MDH2: variants seen among roughly 807,000 people sequenced by gnomAD.
The protein encoded by MDH2 is malate dehydrogenase, mitochondrial.
A neutral mutation model predicts 33.6 loss-of-function variants in MDH2; 25 were observed. That is an observed-to-expected ratio of 0.74 (90% confidence interval 0.54 to 1.04). The LOEUF (loss-of-function observed/expected upper bound fraction) is 1.04. MDH2 is among the 50% of genes least tolerant of loss of function. The pLI is 0.00. For synonymous variants in MDH2, 193 were observed against 188.7 expected, an observed-to-expected ratio of 1.02 and a Z score of -0.19; for missense variants, 432 against 445.0, an observed-to-expected ratio of 0.97 and a Z score of 0.26.
chr7:76,057,593 T>A, intron 3 of MDH2, 100 bp downstream of exon 3: 1 of 1,227,082 alleles, frequency 8.1e-7, no homozygotes, highest in Non-Finnish European at 1.2e-6. Flanking sequence ...TGCTTTGTTG[T>A]AGGAAAAATG....
intron 1 of MDH2, among the ~76,000 whole-genome samples, chr7:76,049,563 T>C (rs782271776): frequency 6.6e-6 from 1 of 150,796 alleles, no homozygotes; most frequent in Admixed American, 6.6e-5. Context: ...ACAGGAGGGA[T>C]GAGGTGTGGG....
intron 1 of MDH2, among the ~76,000 whole-genome samples, chr7:76,052,480 C>T (rs561402942): frequency 7.0e-4 from 105 of 150,618 alleles, no homozygotes; most frequent in African/African-American, 2.3e-3. Context: ...GTTTCATCCT[C>T]CACCCTGGTG....
intron 7 of MDH2, 103 bp from the exon 8 acceptor site, chr7:76,064,699 C>A: frequency 1.5e-6 from 2 of 1,321,988 alleles, no homozygotes; most frequent in South Asian, 1.5e-5. Context: ...AAATTCTCCA[C>A]TGTCAGGCTG....
intron 5 of MDH2, among the ~76,000 whole-genome samples, chr7:76,063,131 G>C (rs1197555639): frequency 6.6e-6 from 1 of 152,226 alleles, no homozygotes; most frequent in Non-Finnish European, 1.5e-5. Context: ...TCTGTGTAGG[G>C]AGGAGTCTGG....
At chr7:76,048,320 C>T in intron 1 of MDH2, 94 bp downstream of exon 1, 1 of 1,431,692 alleles carries the variant, frequency 7.0e-7, no homozygotes, top group Non-Finnish European at 9.2e-7. Context: ...CTCTCCAGGC[C>T]AGCCTGGACC....
intron 6 of MDH2, 91 bp downstream of exon 6, chr7:76,063,683 C>A: frequency 1.5e-6 from 2 of 1,322,344 alleles, no homozygotes; most frequent in Non-Finnish European, 1.1e-6. Flanking sequence ...CTGGAGAAGG[C>A]CTGGCCACGT....
chr7:76,049,005 T>A (rs2116634226), intron 1 of MDH2: 8 of 837,454 alleles, frequency 9.6e-6, no homozygotes, highest in Non-Finnish European at 1.1e-5. Flanking sequence ...GGGGTCCGCA[T>A]TTTTACCAGG....
intron 1 of MDH2, among the ~76,000 whole-genome samples, chr7:76,051,598 C>T (rs7786630): frequency 0.14 from 20,523 of 151,822 alleles, 2,610 homozygotes; most frequent in African/African-American, 0.32. Flanking sequence ...TAGGATTAAA[C>T]GCGTGAGCCA....
chr7:76,060,110 T>C (rs908944475), intron 4 of MDH2, among the ~76,000 whole-genome samples: 1 of 152,110 alleles, frequency 6.6e-6, no homozygotes, highest in Admixed American at 6.5e-5. Flanking sequence ...GGAGGCATCA[T>C]CACACATTTC....
At chr7:76,064,651 A>G in intron 7 of MDH2, 151 bp from the exon 8 acceptor site, 1 of 972,070 alleles carries the variant, frequency 1.0e-6, no homozygotes. Flanking sequence ...ATTCTACACC[A>G]TTCATGTATA....
intron 5 of MDH2, among the ~76,000 whole-genome samples, chr7:76,061,725 G>A (rs996007825): frequency 6.6e-6 from 1 of 151,794 alleles, no homozygotes. Context: ...CAGTACGGAA[G>A]TGGACACAAC....
chr7:76,065,057 G>A lies in MDH2; in HGVS notation c.885+104G>A, dbSNP rs570644052. On this transcript the variant is annotated intron_variant, in intron 8 of 8. Coordinates refer to ENST00000315758, the MANE Select transcript of MDH2 (RefSeq NM_005918.4). ...GGCCCTTTATGCAGTAAGCTCATGT[G>A]CCTGCCTGGCGAGTGCTGTTGTTTT... 525 of 1,367,288 alleles carry A rather than the reference G, an allele frequency of 3.8e-4. 6 individuals are homozygous for A. In the South Asian group the frequency reaches 6.5e-3, roughly 17 times the overall value. The allele number at this position is 1,367,288 out of a possible 1,614,324, so 84.7% of individuals were successfully genotyped here. A position where few individuals can be genotyped will look rare whatever the true frequency, so the allele number is the denominator to read the frequency against.
In MDH2 at chr7:76,064,457, C is replaced by T. The variant is rs1554587502; in HGVS notation, c.733+19C>T. On this transcript the variant is annotated intron_variant, in intron 7 of 8. Coordinates refer to ENST00000315758, the MANE Select transcript of MDH2 (RefSeq NM_005918.4). ...GGAGCAGGTAGAGTCTCAGGCAGCC[C>T]CGGGGCTGGGTGCCAGTGAGGCCCT... 6.2e-7 allele frequency: 1 copy of T among 1,602,516 alleles called. No homozygotes were observed. Among genetic ancestry groups the T allele is most frequent in the Non-Finnish European group, 8.5e-7 (1 of 1,173,808 alleles).
intron 2 of MDH2, 108 bp from the exon 3 acceptor site, chr7:76,057,302 T>G (rs1217256549): frequency 5.4e-6 from 6 of 1,110,718 alleles, no homozygotes; most frequent in Non-Finnish European, 7.9e-6. Context: ...CAGGCAGGGC[T>G]TCTAGCCTTT....
chr7:76,054,816 G>A lies in MDH2; in HGVS notation c.67-14G>A. The A allele has an allele frequency of 6.2e-7, 1 of 1,613,978 alleles. No individual in the cohort carries two copies. Among genetic ancestry groups the A allele is most frequent in the Non-Finnish European group, 8.5e-7 (1 of 1,179,944 alleles). ...ATTTCCTCCTAAGAGTCCTTTCTCT[G>A]TGCCTCTTTTTAGAACAATGCTAAA... On this transcript the variant is annotated splice_polypyrimidine_tract_variant and intron_variant, in intron 1 of 8. Coordinates refer to ENST00000315758, the MANE Select transcript of MDH2 (RefSeq NM_005918.4).
chr7:76,061,837 C>G (rs1797962470), intron 5 of MDH2, among the ~76,000 whole-genome samples: 1 of 152,092 alleles, frequency 6.6e-6, no homozygotes, highest in East Asian at 1.9e-4. Context: ...CACCCCAGGC[C>G]CTAGTCCTGC....
rs781880905 is a variant in MDH2, at chr7:76,054,942, A to C, written c.179A>C (p.His60Pro). 6.2e-7 allele frequency: 1 copy of C among 1,614,058 alleles called. No individual in the cohort carries two copies. ...VSRLTLYDIA[H>P]TPGVAADLSH... ...CGCCTGACCCTCTATGATATCGCGC[A>C]CACACCCGGAGTGGCCGCAGATCTG... is the stretch of plus-strand genomic sequence containing the variant. The change falls in exon 2 of 9, where the codon CAC (histidine) becomes CCC (proline). Residue 60 changes from histidine (H) to proline (P), a missense_variant. Physicochemically the swap from His to Pro is moderately conservative, Grantham distance 77. Coordinates refer to ENST00000315758, the MANE Select transcript of MDH2 (RefSeq NM_005918.4).
At chr7:76,064,466 G>A in intron 7 of MDH2, 28 bp downstream of exon 7, 1 of 1,582,838 alleles carries the variant, frequency 6.3e-7, no homozygotes. Flanking sequence ...CCCGGGGCTG[G>A]GTGCCAGTGA....
intron 5 of MDH2, among the ~76,000 whole-genome samples, chr7:76,063,310 C>T (rs1355845052): frequency 6.6e-6 from 1 of 152,238 alleles, no homozygotes; most frequent in Non-Finnish European, 1.5e-5. Context: ...CCTCACGGCA[C>T]CTGCTGGCGC....
Sources: allele counts gnomAD v4.1 joint callset (sites outside exome capture counted in the v4.1 genomes callset), GRCh38; gene constraint gnomAD v4.1.1; transcripts MANE v1.5; gene names NCBI Gene and HGNC (gene_info 2026-07-23, HGNC 2026-07-21).